The following AKAP10 variants were observed in gnomAD, a reference collection of about 807,000 sequenced individuals.
AKAP10 encodes the protein A-kinase anchoring protein 10, also known as A-kinase anchor protein 10, mitochondrial.
AKAP10 carries 24 observed loss-of-function variants against 80.8 expected under a neutral mutation model. The ratio of observed to expected loss-of-function variants is 0.30; its 90% CI spans 0.22 to 0.42. The LOEUF is 0.42. Among genes scored for constraint, AKAP10 ranks in the 10% least tolerant of loss-of-function variants. AKAP10 has a pLI of 1.00. For synonymous variants in AKAP10, 291 were observed against 277.7 expected, an observed-to-expected ratio of 1.05 and a Z score of -0.48; for missense variants, 661 against 794.9, an observed-to-expected ratio of 0.83 and a Z score of 2.03.
At chr17:19,916,661 G>A (rs2042745757) in intron 12 of AKAP10, among the ~76,000 whole-genome samples, 1 of 151,918 alleles carries the variant, frequency 6.6e-6, no homozygotes, top group Non-Finnish European at 1.5e-5. Flanking sequence ...AATCAGGCCA[G>A]GCACGGTGGC....
chr17:19,962,827 G>A lies in AKAP10; in HGVS notation c.319+13C>T. The A allele has an allele frequency of 6.2e-7, 1 of 1,607,154 alleles. No homozygotes were observed. Among genetic ancestry groups the A allele is most frequent in the Non-Finnish European group, 8.5e-7 (1 of 1,175,816 alleles). ...CTTCTAATACAAGTTAATAAAAAATGATAGTTACTTACCCAGGTCACCAAA... is the reference window on the plus strand; with the variant it reads ...CTTCTAATACAAGTTAATAAAAAATAATAGTTACTTACCCAGGTCACCAAA... On this transcript the variant is annotated intron_variant, in intron 3 of 14. Coordinates refer to ENST00000225737, the MANE Select transcript of AKAP10 (RefSeq NM_007202.4).
chr17:19,954,678 A>C, intron 4 of AKAP10, among the ~76,000 whole-genome samples: 1 of 146,842 alleles, frequency 6.8e-6, no homozygotes, highest in Non-Finnish European at 1.5e-5. Context: ...TATTTTTAGT[A>C]GAGATGGGGT....
chr17:19,943,540 C>T (rs2043071893), intron 5 of AKAP10, among the ~76,000 whole-genome samples: 1 of 152,216 alleles, frequency 6.6e-6, no homozygotes, highest in Non-Finnish European at 1.5e-5. Flanking sequence ...TGCATGGAAG[C>T]TCTGTGCCCC....
intron 14 of AKAP10, 63 bp from the exon 15 acceptor site, chr17:19,906,295 C>A: frequency 6.4e-7 from 1 of 1,553,296 alleles, no homozygotes. Context: ...CCTATTATTA[C>A]AAATTAAGGA....
intron 3 of AKAP10, among the ~76,000 whole-genome samples, chr17:19,959,095 C>T (rs893030135): frequency 6.6e-6 from 1 of 151,970 alleles, no homozygotes; most frequent in African/African-American, 2.4e-5. Flanking sequence ...TTCGGCAATC[C>T]ACCCACCTCG....
chr17:19,958,216 C>T lies in AKAP10; in HGVS notation c.675G>A (p.Leu225=), dbSNP rs749315452. Residue 225 remains leucine (L), a synonymous_variant, in exon 4 of 15, where the codon CTG becomes CTA. Transcript: ENST00000225737. ...TCTGAGTGCTGTTAGTTCTATTATT[C>T]AGGTCAATTCCTTCTGAATGAGTCA... ...LFMTHSEGID[L]NNRTNSTQNH... The T allele has an allele frequency of 6.8e-6, 11 of 1,614,154 alleles. No individual in the cohort carries two copies. In the South Asian group the frequency reaches 1.1e-4, roughly 16 times the overall value.
In AKAP10 at chr17:19,968,420, T is replaced by C; in HGVS notation, c.130A>G (p.Ile44Val). The change falls in exon 2 of 15, where the codon ATT (isoleucine) becomes GTT (valine). Residue 44 changes from isoleucine to valine, a missense_variant. Ile to Val is a conservative substitution (Grantham distance 29). Coordinates refer to ENST00000225737, the MANE Select transcript of AKAP10 (RefSeq NM_007202.4). ...EQEKTSDVKS[I>V]KASISVHSPQ... ...TGCCAAGGGCAGAACTTACCTTTAA[T>C]GGACTTCACATCTGAGGTCTTCTCT... The C allele has an allele frequency of 6.2e-7, 1 of 1,613,572 alleles. No individual in the cohort carries two copies. Among genetic ancestry groups the C allele is most frequent in the Non-Finnish European group, 8.5e-7 (1 of 1,179,666 alleles).
intron 5 of AKAP10, among the ~76,000 whole-genome samples, chr17:19,945,318 T>C (rs2043091874): frequency 6.6e-6 from 1 of 152,136 alleles, no homozygotes; most frequent in Non-Finnish European, 1.5e-5. Flanking sequence ...GGCTATTAAC[T>C]GGTACAGACT....
chr17:19,947,312 T>C (rs1006016619), intron 5 of AKAP10, 95 bp downstream of exon 5: 38 of 942,120 alleles, frequency 4.0e-5, no homozygotes, highest in Middle Eastern at 2.8e-4. Context: ...CTAAATTCCA[T>C]GTTAAGAAAA....
intron 11 of AKAP10, among the ~76,000 whole-genome samples, chr17:19,921,231 G>A (rs937755218): frequency 5.5e-4 from 84 of 151,444 alleles, no homozygotes; most frequent in African/African-American, 2.0e-3. Flanking sequence ...GCAGTGGTGT[G>A]ATCTAAGTTC....
intron 2 of AKAP10, among the ~76,000 whole-genome samples, chr17:19,963,260 G>C (rs996504829): frequency 3.4e-5 from 5 of 144,930 alleles, no homozygotes; most frequent in African/African-American, 1.3e-4. Flanking sequence ...CTGTCACCCA[G>C]GCTGGAGTGC....
chr17:19,911,784 G>A (rs187412421), intron 12 of AKAP10, among the ~76,000 whole-genome samples: 119 of 129,688 alleles, frequency 9.2e-4, no homozygotes, highest in African/African-American at 2.9e-3. Context: ...GTGGTGAGCC[G>A]AGATCACGCC....
chr17:19,954,641 C>T (rs527394420), intron 4 of AKAP10, among the ~76,000 whole-genome samples: 7 of 147,462 alleles, frequency 4.7e-5, no homozygotes, highest in Non-Finnish European at 8.9e-5. Context: ...CCCGCCACCA[C>T]GCCCGGCTAA....
chr17:19,932,982 A>G (rs989086776), intron 9 of AKAP10, among the ~76,000 whole-genome samples: 4 of 152,104 alleles, frequency 2.6e-5, no homozygotes, highest in Non-Finnish European at 5.9e-5. Flanking sequence ...TATAATTTGT[A>G]AATATTTATG....
chr17:19,919,173 G>A (rs927406366), intron 12 of AKAP10, among the ~76,000 whole-genome samples: 9 of 150,812 alleles, frequency 6.0e-5, no homozygotes, highest in Admixed American at 2.7e-4. Context: ...GAGAGCATGC[G>A]GTGTTTGGTT....
At chr17:19,936,597 C>A (rs1192615941) in intron 8 of AKAP10, among the ~76,000 whole-genome samples, 167 bp from the exon 9 acceptor site, 1 of 152,220 alleles carries the variant, frequency 6.6e-6, no homozygotes, top group Non-Finnish European at 1.5e-5. Context: ...TTTGTTCCCA[C>A]TTCCCCAGAG....
In AKAP10 at chr17:19,977,817, C is replaced by T; in HGVS notation, c.-138G>A. 2.2e-6 allele frequency: 1 copy of T among 463,008 alleles called. No homozygotes were observed. The highest frequency in any genetic ancestry group is 3.5e-5 in the East Asian group (1 of 28,320). 28.7% of individuals were successfully genotyped at this position (463,008 alleles called of 1,614,324 possible). On this transcript the variant is annotated 5_prime_UTR_variant, in exon 1 of 15. Transcript: ENST00000225737. ...AGCCGCCATATTATCAACAAGCCGCCCGCCCGGAGTTCCGGTCCTTCCCCG... is the reference window on the plus strand; with the variant it reads ...AGCCGCCATATTATCAACAAGCCGCTCGCCCGGAGTTCCGGTCCTTCCCCG...
chr17:19,936,780 A>G (rs2042997520), intron 8 of AKAP10, among the ~76,000 whole-genome samples: 4 of 152,238 alleles, frequency 2.6e-5, no homozygotes, highest in Admixed American at 2.6e-4. Flanking sequence ...GATAGATAGA[A>G]AGGAATTTAT....
chr17:19,905,985 T>C lies in AKAP10; in HGVS notation c.*242A>G. 1.9e-6 allele frequency: 1 copy of C among 512,870 alleles called. No individual in the cohort carries two copies. The highest frequency in any genetic ancestry group is 1.9e-5 in the African/African-American group (1 of 52,850). 31.8% of individuals were successfully genotyped at this position (512,870 alleles called of 1,614,324 possible). A position where few individuals can be genotyped will look rare whatever the true frequency, so the allele number is the denominator to read the frequency against. ...TGGAAAACTAATAATTTTCTAGTAATGTAAACAATACCATTTTGTATCTTT... is the reference window on the plus strand; with the variant it reads ...TGGAAAACTAATAATTTTCTAGTAACGTAAACAATACCATTTTGTATCTTT... On this transcript the variant is annotated 3_prime_UTR_variant, in exon 15 of 15. Coordinates refer to ENST00000225737, the MANE Select transcript of AKAP10 (RefSeq NM_007202.4).
Sources: gnomAD v4.1 joint callset for allele counts (sites outside exome capture counted in the v4.1 genomes callset) on GRCh38, gnomAD v4.1.1 for gene constraint, MANE v1.5 for transcripts, NCBI Gene and HGNC (gene_info 2026-07-23, HGNC 2026-07-21) for gene names.